DIAPH2: variants seen among roughly 807,000 people sequenced by gnomAD.
The protein encoded by DIAPH2 is protein diaphanous homolog 2.
DIAPH2 carries 35 observed loss-of-function variants against 92.7 expected under a neutral mutation model. That is an observed-to-expected ratio of 0.38 (90% confidence interval 0.29 to 0.50). The LOEUF is 0.50. DIAPH2 is among the 20% of genes least tolerant of loss of function. The probability of loss-of-function intolerance (pLI) is 0.94; values close to 1 mark genes in which losing one functional copy is unlikely to be tolerated. For missense variants in DIAPH2, 701 were observed against 819.5 expected (o/e 0.86, Z 1.77); for synonymous variants, 301 against 280.4 (o/e 1.07, Z -0.73).
rs1232660151 is a variant in DIAPH2, at chrX:97,601,390, T to TATTG, written c.*2076_*2079dup. 6 of 109,336 alleles carry TATTG rather than the reference T, an allele frequency of 5.5e-5. No homozygotes were observed. Among genetic ancestry groups the TATTG allele is most frequent in the Non-Finnish European group, 1.2e-4 (6 of 51,729 alleles). The allele number at this position is 109,336 out of a possible 1,213,427, so 9.0% of individuals were successfully genotyped here. On this transcript the variant is annotated 3_prime_UTR_variant, in exon 27 of 27. Transcript: ENST00000324765. Reference sequence around the variant, plus strand: ...TGAACAAGAACGAATGAAGTACTATTATTGATAACTTATATATTTTTATTT... The same window carrying TATTG: ...TGAACAAGAACGAATGAAGTACTATTATTGATTGATAACTTATATATTTTTATTT...
At chrX:97,192,547 T>G (rs909548165) in intron 22 of DIAPH2, among the ~76,000 whole-genome samples, 7 of 111,255 alleles carry the variant, frequency 6.3e-5, no homozygotes, top group Non-Finnish European at 1.3e-4. Context: ...ACCTGTGAAG[T>G]TTTCATCAGC....
intron 1 of DIAPH2, among the ~76,000 whole-genome samples, chrX:96,698,946 G>C (rs6620134): frequency 0.11 from 11,737 of 107,650 alleles, 581 homozygotes; most frequent in East Asian, 0.32. Context: ...GCCCAGGCTG[G>C]TCTGGAACTC....
chrX:96,960,772 C>G (rs1454216140), intron 16 of DIAPH2, among the ~76,000 whole-genome samples: 1 of 111,482 alleles, frequency 9.0e-6, no homozygotes, highest in Admixed American at 9.5e-5. Flanking sequence ...AAGTATGTTC[C>G]CTCTCTGCCT....
At chrX:96,837,636 A>G (rs930524769) in intron 4 of DIAPH2, among the ~76,000 whole-genome samples, 1 of 111,445 alleles carries the variant, frequency 9.0e-6, no homozygotes, top group African/African-American at 3.3e-5. Context: ...GATATTTAAA[A>G]GTTTTGATTG....
At chrX:97,045,115 T>C (rs1490315848) in intron 17 of DIAPH2, among the ~76,000 whole-genome samples, 1 of 112,229 alleles carries the variant, frequency 8.9e-6, no homozygotes, top group Admixed American at 9.5e-5. Flanking sequence ...TTTTCACATA[T>C]GTTTTGGAGA....
intron 25 of DIAPH2, among the ~76,000 whole-genome samples, chrX:97,414,183 A>G (rs1027494072): frequency 8.9e-5 from 10 of 112,234 alleles, no homozygotes; most frequent in African/African-American, 2.9e-4. Flanking sequence ...CCAAAACAGC[A>G]TGGTACTGGT....
intron 22 of DIAPH2, among the ~76,000 whole-genome samples, chrX:97,152,977 G>A (rs1429816883): frequency 9.0e-6 from 1 of 111,731 alleles, no homozygotes; most frequent in African/African-American, 3.3e-5. Flanking sequence ...ATATGTCCAG[G>A]GATGAGAATC....
chrX:96,960,699 A>G (rs749138183), intron 16 of DIAPH2, among the ~76,000 whole-genome samples: 1 of 111,611 alleles, frequency 9.0e-6, no homozygotes, highest in South Asian at 3.8e-4. Flanking sequence ...AAAGGCTTTC[A>G]TGTTTTGTCC....
chrX:97,583,158 T>C (rs140866052), intron 26 of DIAPH2, among the ~76,000 whole-genome samples: 1,978 of 112,040 alleles, frequency 0.018, 23 homozygotes, highest in Non-Finnish European at 0.028. Context: ...TCGTCTGAAG[T>C]CTTCTTCTCT....
At chrX:96,798,008 C>T (rs1474813287) in intron 4 of DIAPH2, among the ~76,000 whole-genome samples, 1 of 112,706 alleles carries the variant, frequency 8.9e-6, no homozygotes, top group African/African-American at 3.2e-5. Flanking sequence ...AAGTCTCTTA[C>T]ATAAAATGGT....
intron 23 of DIAPH2, among the ~76,000 whole-genome samples, chrX:97,293,365 G>A (rs1000206551): frequency 9.7e-6 from 1 of 102,598 alleles, no homozygotes; most frequent in African/African-American, 3.6e-5. Flanking sequence ...CCATTCTCCT[G>A]CCTCAGCCTC....
At chrX:97,292,707 C>T (rs988882445) in intron 23 of DIAPH2, among the ~76,000 whole-genome samples, 3 of 110,115 alleles carry the variant, frequency 2.7e-5, no homozygotes, top group East Asian at 2.8e-4. Flanking sequence ...CCACCATGCC[C>T]GGCTAATTTT....
At chrX:97,311,537 T>A (rs2068793740) in intron 23 of DIAPH2, among the ~76,000 whole-genome samples, 1 of 110,613 alleles carries the variant, frequency 9.0e-6, no homozygotes, top group Non-Finnish European at 1.9e-5. Context: ...AGAGATGAAA[T>A]CATAGGGAGT....
intron 22 of DIAPH2, among the ~76,000 whole-genome samples, chrX:97,209,448 T>A (rs772609758): frequency 1.8e-5 from 2 of 111,349 alleles, no homozygotes; most frequent in Admixed American, 9.6e-5. Context: ...ACATATAAAG[T>A]GGTAAGCTTT....
Position 97,574,429 on chromosome X carries a change from T to C in DIAPH2, c.3242-24824T>C, listed in dbSNP as rs1307067500. On this transcript the variant is annotated intron_variant, in intron 26 of 26. Transcript: ENST00000324765. The stretch of plus-strand genomic sequence containing the variant: ...GGGAATTCAAAAATCATTTACCAAA[T>C]GTCTCTTATATTACAGGTACCAAAA... Among the ~76,000 whole-genome samples, 9 of 103,840 alleles carry C rather than the reference T, an allele frequency of 8.7e-5. No individual in the cohort carries two copies. In the Admixed American group the frequency reaches 9.7e-4, roughly 11 times the overall value. 90.2% of individuals were successfully genotyped at this position (103,840 alleles called of 115,157 possible).
intron 21 of DIAPH2, among the ~76,000 whole-genome samples, chrX:97,138,696 C>T (rs2067189560): frequency 9.0e-6 from 1 of 111,609 alleles, no homozygotes; most frequent in South Asian, 3.7e-4. Flanking sequence ...ATTTCTAGAA[C>T]TGCTGTTTGT....
chrX:96,833,500 A>G (rs1036309431), intron 4 of DIAPH2, among the ~76,000 whole-genome samples: 5 of 111,147 alleles, frequency 4.5e-5, no homozygotes, highest in African/African-American at 6.5e-5. Flanking sequence ...ATAGGAATGC[A>G]AACAGTCCTA....
At chrX:97,333,858 C>A (rs1048839416) in intron 23 of DIAPH2, among the ~76,000 whole-genome samples, 8 of 110,432 alleles carry the variant, frequency 7.2e-5, no homozygotes, top group African/African-American at 2.6e-4. Flanking sequence ...AGCCACCGCC[C>A]CCGACCCATA....
chrX:96,685,275 G>T (rs1273380248), intron 1 of DIAPH2, 85 bp downstream of exon 1: 1 of 934,770 alleles, frequency 1.1e-6, no homozygotes, highest in African/African-American at 2.0e-5. Flanking sequence ...GGCACCCGGG[G>T]CCCCCTCCCA....
Sources: gnomAD v4.1 joint callset for allele counts (sites outside exome capture counted in the v4.1 genomes callset) on GRCh38, gnomAD v4.1.1 for gene constraint, MANE v1.5 for transcripts, NCBI Gene and HGNC (gene_info 2026-07-23, HGNC 2026-07-21) for gene names.